TTL: variants seen among roughly 807,000 people sequenced by gnomAD.
TTL encodes tubulin tyrosine ligase, also known as tubulin--tyrosine ligase.
In TTL, 10 loss-of-function variants were observed where a neutral mutation model predicts 41.1. The observed-to-expected ratio is 0.24, with a 90% CI of 0.15 to 0.41. The LOEUF (loss-of-function observed/expected upper bound fraction) is 0.41. Among genes scored for constraint, TTL ranks in the 10% least tolerant of loss-of-function variants. The probability of loss-of-function intolerance (pLI) is 1.00; values close to 1 mark genes in which losing one functional copy is unlikely to be tolerated. For missense variants in TTL, 367 were observed against 460.4 expected (o/e 0.80, Z 1.86); for synonymous variants, 175 against 175.5 (o/e 1.00, Z 0.02).
Position 112,482,391 on chromosome 2 carries a change from A to C in TTL, c.47A>C (p.Glu16Ala). The change falls in exon 1 of 7, where the codon GAG becomes GCG. Residue 16 changes from glutamate to alanine, a missense_variant. Coordinates refer to ENST00000233336, the MANE Select transcript of TTL (RefSeq NM_153712.5). This position sits in a 1 kb window ranked among gnomAD's most constrained non-coding sequence, Gnocchi z 5.3. ...VRDENSSVYA[E>A]VSRLLLATGH... ...GATGAGAACAGCAGCGTCTACGCCGAGGTCTCCCGGCTGCTCCTCGCCACC... is the reference window on the plus strand; with the variant it reads ...GATGAGAACAGCAGCGTCTACGCCGCGGTCTCCCGGCTGCTCCTCGCCACC... The C allele has an allele frequency of 6.3e-7, 1 of 1,597,602 alleles. No homozygotes were observed. Among genetic ancestry groups the C allele is most frequent in the Non-Finnish European group, 8.5e-7 (1 of 1,173,110 alleles).
rs10635241 is a variant in TTL, at chr2:112,496,665, CTGTGTGTGTGTGTGTGTGTGTG to C, written c.469+2312_469+2333del. Among the ~76,000 whole-genome samples the C allele has an allele frequency of 1.0e-4, 11 of 106,052 alleles. No individual in the cohort carries two copies. The South Asian group carries it at 1.9e-3, about 19-fold the overall frequency. The allele number at this position is 106,052 out of a possible 152,430, so 69.6% of individuals were successfully genotyped here. A position where few individuals can be genotyped will look rare whatever the true frequency, so the allele number is the denominator to read the frequency against. ...TTTTTTATTTTATATATATATGTGTCTGTGTGTGTGTGTGTGTGTGTGTGTGTGTGTGTGTGTGTGTGTATTT... is the reference window on the plus strand; with the variant it reads ...TTTTTTATTTTATATATATATGTGTCTGTGTGTGTGTGTGTGTGTGTATTT... On this transcript the variant is annotated intron_variant, in intron 3 of 6. Transcript: ENST00000233336.
intron 6 of TTL, among the ~76,000 whole-genome samples, chr2:112,523,350 C>CTGTGTGTGTGTGTGTGTG (rs60321232): frequency 6.7e-6 from 1 of 149,760 alleles, no homozygotes; most frequent in African/African-American, 2.5e-5. Context: ...GTGTGTGTGT[C>CTGTGTGTGTGTGTGTGTG]TGTGTGTGTG....
At chr2:112,502,498 G>A (rs558367443) in intron 4 of TTL, among the ~76,000 whole-genome samples, 2 of 152,146 alleles carry the variant, frequency 1.3e-5, no homozygotes, top group South Asian at 2.1e-4. Context: ...TCACCCGGGC[G>A]TGGTGGCATG....
At position 112,536,568 on chromosome 2, in the gene TTL, G is replaced by A. The variant is rs1409378943; in HGVS notation, c.*7773G>A. The A allele has an allele frequency of 6.6e-6, 1 of 152,070 alleles. No homozygotes were observed. The highest frequency in any genetic ancestry group is 1.5e-5 in the Non-Finnish European group (1 of 68,026). The allele number at this position is 152,070 out of a possible 1,614,324, so 9.4% of individuals were successfully genotyped here. On this transcript the variant is annotated 3_prime_UTR_variant, in exon 7 of 7. Coordinates refer to ENST00000233336, the MANE Select transcript of TTL (RefSeq NM_153712.5). ...AGTTCCAACTTTTATTTTAAATTCTGGAGGTACATACACAGGTTTGTTACA... is the reference window on the plus strand; with the variant it reads ...AGTTCCAACTTTTATTTTAAATTCTAGAGGTACATACACAGGTTTGTTACA...
At chr2:112,515,779 C>G (rs932094657) in intron 5 of TTL, among the ~76,000 whole-genome samples, 1 of 152,068 alleles carries the variant, frequency 6.6e-6, no homozygotes, top group Non-Finnish European at 1.5e-5. Context: ...AACCTCGTCT[C>G]TACTAAGAAA....
At chr2:112,498,762 A>G (rs1681606721) in intron 3 of TTL, among the ~76,000 whole-genome samples, 2 of 151,922 alleles carry the variant, frequency 1.3e-5, no homozygotes, top group African/African-American at 4.8e-5. Context: ...AAAATTAGCC[A>G]GGCATGGTGG....
rs751708161 is a variant in TTL at position 112,494,154 on chromosome 2, C to G, written c.248C>G (p.Thr83Arg). The change falls in exon 3 of 7, where the codon ACA (threonine) becomes AGA (arginine). Residue 83 changes from threonine to arginine, a missense_variant. Thr to Arg is a moderately conservative substitution (Grantham distance 71). Transcript: ENST00000233336. ...RKASLVKLIK[T>R]SPELAESCTW... ...CTGTCATCTGCCAGGCTAATCAAGA[C>G]AAGCCCTGAACTGGCTGAGTCCTGC... The G allele has an allele frequency of 1.9e-5, 30 of 1,613,878 alleles. No individual in the cohort carries two copies. Among genetic ancestry groups the G allele is most frequent in the Non-Finnish European group, 2.5e-5 (29 of 1,179,910 alleles).
At chr2:112,486,082 T>A (rs1413317297) in intron 2 of TTL, 87 bp downstream of exon 2, 9 of 1,351,404 alleles carry the variant, frequency 6.7e-6, no homozygotes, top group Non-Finnish European at 9.4e-6. Flanking sequence ...ACAAACATAC[T>A]TTTATTTTAA....
In TTL at chr2:112,535,026, AAGG is replaced by A. The variant is rs1466109396; in HGVS notation, c.*6235_*6237del. On this transcript the variant is annotated 3_prime_UTR_variant, in exon 7 of 7. Coordinates refer to ENST00000233336, the MANE Select transcript of TTL (RefSeq NM_153712.5). ...AAGGAGAAAGGGAGGGAGGGAGGGA[AAGG>A]AGGGAGGGAAGAAAAGAGAAAGATT... 2.6e-5 allele frequency: 4 copies of A among 151,182 alleles called. No individual in the cohort carries two copies. The highest frequency in any genetic ancestry group is 6.3e-3 in the Middle Eastern group (2 of 320). The allele number at this position is 151,182 out of a possible 1,614,324, so 9.4% of individuals were successfully genotyped here.
chr2:112,500,940 A>C (rs1029337649), intron 3 of TTL, among the ~76,000 whole-genome samples: 1 of 148,616 alleles, frequency 6.7e-6, no homozygotes, highest in African/African-American at 2.5e-5. Context: ...GGCACTACGA[A>C]TTTCTGTAAA....
chr2:112,519,552 T>G (rs62157533), intron 5 of TTL, among the ~76,000 whole-genome samples: 2 of 62,916 alleles, frequency 3.2e-5, no homozygotes, highest in African/African-American at 1.5e-4. Context: ...GTCAACATGT[T>G]TTTTTTTTTT....
chr2:112,503,375 A>G (rs1241336731), intron 5 of TTL, among the ~76,000 whole-genome samples, 194 bp downstream of exon 5: 1 of 145,740 alleles, frequency 6.9e-6, no homozygotes, highest in Non-Finnish European at 1.5e-5. Flanking sequence ...TAATGGTTAT[A>G]TGTGTGTGTG....
chr2:112,524,619 G>C (rs1044689437), intron 6 of TTL, among the ~76,000 whole-genome samples: 1 of 152,116 alleles, frequency 6.6e-6, no homozygotes. Context: ...CATATCCTTT[G>C]CCCACTTTTT....
At chr2:112,500,013 A>G (rs1423234979) in intron 3 of TTL, among the ~76,000 whole-genome samples, 1 of 152,232 alleles carries the variant, frequency 6.6e-6, no homozygotes, top group African/African-American at 2.4e-5. Flanking sequence ...AATGAACAAA[A>G]ATGACTTCAG....
chr2:112,530,700 T>C lies in TTL; in HGVS notation c.*1905T>C. The C allele has an allele frequency of 4.7e-6, 1 of 211,248 alleles. No individual in the cohort carries two copies. The highest frequency in any genetic ancestry group is 7.1e-5 in the East Asian group (1 of 14,114). The allele number at this position is 211,248 out of a possible 1,614,324, so 13.1% of individuals were successfully genotyped here. On this transcript the variant is annotated 3_prime_UTR_variant, in exon 7 of 7. Coordinates refer to ENST00000233336, the MANE Select transcript of TTL (RefSeq NM_153712.5). ...CTTTTGGACCCAAATTATAGAGACA[T>C]TCACGAGTTTTCTAGCCCTCACAGT...
At chr2:112,523,920 A>G (rs1339917501) in intron 6 of TTL, among the ~76,000 whole-genome samples, 2 of 151,990 alleles carry the variant, frequency 1.3e-5, no homozygotes, top group Non-Finnish European at 2.9e-5. Context: ...CATTAGGTAT[A>G]ACTCCTAATG....
At chr2:112,516,326 A>G (rs572834603) in intron 5 of TTL, among the ~76,000 whole-genome samples, 19 of 152,266 alleles carry the variant, frequency 1.2e-4, no homozygotes, top group African/African-American at 3.4e-4. Context: ...AGGATATCCC[A>G]TTGACCCAGG....
chr2:112,496,266 T>C (rs1490196173), intron 3 of TTL, among the ~76,000 whole-genome samples: 1 of 152,242 alleles, frequency 6.6e-6, no homozygotes, highest in African/African-American at 2.4e-5. Context: ...AATAAAATGC[T>C]AAAGACTTTT....
chr2:112,511,267 T>G (rs953879447), intron 5 of TTL, among the ~76,000 whole-genome samples: 4 of 151,610 alleles, frequency 2.6e-5, no homozygotes, highest in African/African-American at 9.7e-5. Flanking sequence ...TCTTGGCCTC[T>G]CAAAGTGCTG....
Sources: gnomAD v4.1 joint callset for allele counts (sites outside exome capture counted in the v4.1 genomes callset) on GRCh38, gnomAD v4.1.1 for gene constraint, Gnocchi (gnomAD v3.1) non-coding constraint, MANE v1.5 for transcripts, NCBI Gene and HGNC (gene_info 2026-07-23, HGNC 2026-07-21) for gene names.